The following ZFAND3 variants were observed in gnomAD, a reference collection of about 807,000 sequenced individuals.
ZFAND3 encodes the protein AN1-type zinc finger protein 3.
ZFAND3 carries 10 observed loss-of-function variants against 29.6 expected under a neutral mutation model. That is an observed-to-expected ratio of 0.34 (90% CI 0.21 to 0.57). The LOEUF (loss-of-function observed/expected upper bound fraction) is 0.57. Among genes scored for constraint, ZFAND3 ranks in the 20% least tolerant of loss-of-function variants. The probability of loss-of-function intolerance (pLI) is 0.86; values close to 1 mark genes in which losing one functional copy is unlikely to be tolerated. For missense variants in ZFAND3, 230 were observed against 304.5 expected (o/e 0.76, Z 1.82); for synonymous variants, 128 against 112.6 (o/e 1.14, Z -0.87).
intron 4 of ZFAND3, among the ~76,000 whole-genome samples, chr6:38,108,787 A>T (rs1339119366): frequency 6.6e-6 from 1 of 152,192 alleles, no homozygotes; most frequent in Non-Finnish European, 1.5e-5. Context: ...ACAATACTTT[A>T]TCAGCCATCT....
chr6:38,055,642 A>G (rs1295395539), intron 2 of ZFAND3, among the ~76,000 whole-genome samples: 1 of 152,206 alleles, frequency 6.6e-6, no homozygotes, highest in Admixed American at 6.5e-5. Flanking sequence ...TCTACAATAA[A>G]GATAGAAGCC....
At chr6:37,990,502 G>A (rs1011778063) in intron 2 of ZFAND3, among the ~76,000 whole-genome samples, 4 of 152,030 alleles carry the variant, frequency 2.6e-5, no homozygotes, top group Non-Finnish European at 5.9e-5. Flanking sequence ...CTTTTACTGA[G>A]CTCTCTTTTT....
intron 1 of ZFAND3, among the ~76,000 whole-genome samples, chr6:37,861,881 T>C (rs1363061833): frequency 6.6e-6 from 1 of 152,238 alleles, no homozygotes; most frequent in Non-Finnish European, 1.5e-5. Flanking sequence ...TATTGAACTA[T>C]TTCAAGTAGA....
intron 2 of ZFAND3, among the ~76,000 whole-genome samples, chr6:38,046,517 A>G (rs2127458259): frequency 6.6e-6 from 1 of 152,306 alleles, no homozygotes. Context: ...ATTTAGACAA[A>G]CCAGATTGGA....
At chr6:37,943,809 G>A (rs1166371482) in intron 2 of ZFAND3, among the ~76,000 whole-genome samples, 3 of 152,160 alleles carry the variant, frequency 2.0e-5, no homozygotes, top group Non-Finnish European at 4.4e-5. Context: ...AATGTCTACT[G>A]AATTAATGAG....
chr6:37,908,119 C>T (rs1765443316), intron 1 of ZFAND3, among the ~76,000 whole-genome samples: 1 of 152,102 alleles, frequency 6.6e-6, no homozygotes, highest in South Asian at 2.1e-4. Context: ...CTGTCTTAAT[C>T]TAGAATGGTT....
At chr6:37,872,136 T>G (rs536809595) in intron 1 of ZFAND3, among the ~76,000 whole-genome samples, 81 of 152,344 alleles carry the variant, frequency 5.3e-4, no homozygotes, top group Admixed American at 1.5e-3. Flanking sequence ...TTCATCTCAG[T>G]AAGACAGTAG....
chr6:37,824,598 T>C (rs1763726163), intron 1 of ZFAND3, among the ~76,000 whole-genome samples: 1 of 152,216 alleles, frequency 6.6e-6, no homozygotes, highest in Admixed American at 6.5e-5. Flanking sequence ...ATTACTATTT[T>C]GTAAATAAGC....
intron 2 of ZFAND3, among the ~76,000 whole-genome samples, chr6:37,997,124 A>G (rs1762864276): frequency 6.6e-6 from 1 of 152,210 alleles, no homozygotes. Context: ...TATTCCTTGT[A>G]AAGTCATTTT....
intron 1 of ZFAND3, among the ~76,000 whole-genome samples, chr6:37,900,310 CTT>C (rs1230763779): frequency 1.3e-5 from 2 of 152,136 alleles, no homozygotes; most frequent in African/African-American, 4.8e-5. Flanking sequence ...GCAAAGTACT[CTT>C]TCAGTACTCT....
At chr6:38,003,668 T>C (rs1357436122) in intron 2 of ZFAND3, 1 of 336,602 alleles carries the variant, frequency 3.0e-6, no homozygotes, top group African/African-American at 2.3e-5. Context: ...CCAGCTAATT[T>C]TTGTGTTTTT....
chr6:38,135,850 C>T (rs949608434), intron 5 of ZFAND3, among the ~76,000 whole-genome samples: 3 of 152,138 alleles, frequency 2.0e-5, no homozygotes, highest in East Asian at 3.8e-4. Context: ...ACTAGCATCA[C>T]CAAGTTTGGC....
At chr6:38,072,656 AC>A (rs1321016096) in intron 3 of ZFAND3, among the ~76,000 whole-genome samples, 1 of 152,150 alleles carries the variant, frequency 6.6e-6, no homozygotes, top group Non-Finnish European at 1.5e-5. Context: ...TGAAAAAAAA[AC>A]ATAATGGCAT....
intron 2 of ZFAND3, among the ~76,000 whole-genome samples, chr6:37,953,067 G>T (rs1414217087): frequency 6.6e-6 from 1 of 151,556 alleles, no homozygotes; most frequent in East Asian, 1.9e-4. Flanking sequence ...GTGTTGCTTT[G>T]ACGTGTACTA....
At chr6:38,025,474 C>T (rs539409062) in intron 2 of ZFAND3, among the ~76,000 whole-genome samples, 1 of 152,104 alleles carries the variant, frequency 6.6e-6, no homozygotes, top group Non-Finnish European at 1.5e-5. Context: ...ACATCAGAGT[C>T]ATTACTACAA....
intron 1 of ZFAND3, among the ~76,000 whole-genome samples, chr6:37,882,855 T>C (rs930295942): frequency 6.6e-6 from 1 of 152,216 alleles, no homozygotes; most frequent in South Asian, 2.1e-4. Flanking sequence ...CCCATAAACA[T>C]TTTCTCTTGC....
intron 4 of ZFAND3, among the ~76,000 whole-genome samples, chr6:38,104,354 A>G (rs1194967701): frequency 6.6e-6 from 1 of 152,210 alleles, no homozygotes; most frequent in African/African-American, 2.4e-5. Context: ...AGACCCATAT[A>G]AAGCTGAGAA....
In ZFAND3 at chr6:37,953,717, C is replaced by T. The variant is rs571432602; in HGVS notation, c.112+23718C>T. ...TCCTCCTTCCTTGACCCCACAATGT[C>T]CTGGGATTACAGTCGTGAGTCATCA... is the stretch of plus-strand genomic sequence containing the variant. On this transcript the variant is annotated intron_variant, in intron 2 of 5. Transcript: ENST00000287218. Among the ~76,000 whole-genome samples, 107 of 152,134 alleles carry T rather than the reference C, an allele frequency of 7.0e-4. 2 individuals carry two copies. The highest frequency in any genetic ancestry group is 1.8e-4 in the Non-Finnish European group (12 of 67,984).
intron 2 of ZFAND3, among the ~76,000 whole-genome samples, chr6:38,024,429 C>A (rs1335825666): frequency 6.6e-6 from 1 of 151,116 alleles, no homozygotes; most frequent in Non-Finnish European, 1.5e-5. Context: ...CTGAGATGTG[C>A]CACTGCACTC....
Sources: gnomAD v4.1 joint callset for allele counts (sites outside exome capture counted in the v4.1 genomes callset) on GRCh38, gnomAD v4.1.1 for gene constraint, MANE v1.5 for transcripts, NCBI Gene and HGNC (gene_info 2026-07-23, HGNC 2026-07-21) for gene names.